The following ZFAND3 variants were observed in gnomAD, a reference collection of about 807,000 sequenced individuals.
ZFAND3 encodes the protein AN1-type zinc finger protein 3.
In ZFAND3, 10 loss-of-function variants were observed where a neutral mutation model predicts 29.6. The observed-to-expected ratio is 0.34, with a 90% CI of 0.21 to 0.57. The LOEUF is 0.57. Among genes scored for constraint, ZFAND3 ranks in the 20% least tolerant of loss-of-function variants. The pLI, the probability that ZFAND3 is intolerant of heterozygous loss-of-function variation, is 0.86. For synonymous variants in ZFAND3, 128 were observed against 112.6 expected (o/e 1.14, Z -0.87); for missense variants, 230 against 304.5 (o/e 0.76, Z 1.82).
chr6:38,045,183 G>A (rs1763877748), intron 2 of ZFAND3, among the ~76,000 whole-genome samples: 1 of 151,576 alleles, frequency 6.6e-6, no homozygotes, highest in Non-Finnish European at 1.5e-5. Context: ...CGCCTCCTGG[G>A]TTTAAGCAGT....
intron 4 of ZFAND3, among the ~76,000 whole-genome samples, chr6:38,100,930 A>T (rs1765080448): frequency 6.6e-6 from 1 of 152,226 alleles, no homozygotes; most frequent in Non-Finnish European, 1.5e-5. Context: ...TAAATCGCAG[A>T]CATGACACCC....
intron 2 of ZFAND3, among the ~76,000 whole-genome samples, chr6:38,026,203 A>G (rs1195909009): frequency 6.6e-6 from 1 of 152,060 alleles, no homozygotes; most frequent in Non-Finnish European, 1.5e-5. Flanking sequence ...TTTATACTGG[A>G]TCATTTTTAT....
intron 3 of ZFAND3, among the ~76,000 whole-genome samples, chr6:38,074,729 G>T (rs912235958): frequency 6.6e-6 from 1 of 152,214 alleles, no homozygotes; most frequent in African/African-American, 2.4e-5. Flanking sequence ...ATTGGAAGAA[G>T]ATGCCATCCA....
intron 2 of ZFAND3, among the ~76,000 whole-genome samples, chr6:38,012,114 G>A (rs1045890584): frequency 2.6e-5 from 4 of 152,152 alleles, no homozygotes; most frequent in African/African-American, 9.7e-5. Flanking sequence ...GCAGGCAGTA[G>A]TGGAATGTAG....
At chr6:37,919,582 T>A (rs572340709) in intron 1 of ZFAND3, among the ~76,000 whole-genome samples, 180 of 152,266 alleles carry the variant, frequency 1.2e-3, no homozygotes, top group African/African-American at 4.1e-3. Context: ...TTGCAGTCAC[T>A]GGAAAATTTA....
At chr6:37,830,382 GTAAT>G (rs1379759905) in intron 1 of ZFAND3, among the ~76,000 whole-genome samples, 1 of 152,238 alleles carries the variant, frequency 6.6e-6, no homozygotes, top group Non-Finnish European at 1.5e-5. Context: ...TAAGGCTAGA[GTAAT>G]TAATGTGAAA....
In ZFAND3 at chr6:38,152,814, G is replaced by A. The variant is rs1766259865; in HGVS notation, c.*425G>A. ...TGCCAGAAACTCTGTTTAATGATCG[G>A]CCTTTCACCTCTTCACTTATCCTTA... On this transcript the variant is annotated 3_prime_UTR_variant, in exon 6 of 6. Transcript: ENST00000287218. 5.1e-6 allele frequency: 5 copies of A among 987,074 alleles called. No homozygotes were observed. The highest frequency in any genetic ancestry group is 4.8e-6 in the Non-Finnish European group (4 of 830,930). 61.1% of individuals were successfully genotyped at this position (987,074 alleles called of 1,614,324 possible).
intron 2 of ZFAND3, among the ~76,000 whole-genome samples, chr6:37,991,756 G>C (rs1581819824): frequency 6.6e-6 from 1 of 152,170 alleles, no homozygotes; most frequent in African/African-American, 2.4e-5. Context: ...AGTACCCACT[G>C]TGTGTCTGTC....
intron 2 of ZFAND3, among the ~76,000 whole-genome samples, chr6:37,999,569 C>CT (rs1386614457): frequency 6.6e-6 from 1 of 152,180 alleles, no homozygotes; most frequent in Non-Finnish European, 1.5e-5. Context: ...AGAATGGCCT[C>CT]TGTGATCTTC....
At chr6:37,946,283 A>G (rs922507361) in intron 2 of ZFAND3, among the ~76,000 whole-genome samples, 9 of 152,216 alleles carry the variant, frequency 5.9e-5, no homozygotes, top group African/African-American at 2.2e-4. Flanking sequence ...CTTCTGATTT[A>G]TAAGATACTT....
chr6:38,025,276 T>C (rs1436240524), intron 2 of ZFAND3, among the ~76,000 whole-genome samples: 1 of 152,208 alleles, frequency 6.6e-6, no homozygotes, highest in Non-Finnish European at 1.5e-5. Flanking sequence ...GACAAAGGTC[T>C]TTTTTTAGTC....
At chr6:38,103,445 A>G (rs1377921078) in intron 4 of ZFAND3, among the ~76,000 whole-genome samples, 1 of 71,640 alleles carries the variant, frequency 1.4e-5, no homozygotes, top group Non-Finnish European at 2.8e-5. Context: ...ACACGTGTAT[A>G]TATATACACA....
At chr6:37,931,244 AAG>A (rs1245061764) in intron 2 of ZFAND3, among the ~76,000 whole-genome samples, 1 of 152,210 alleles carries the variant, frequency 6.6e-6, no homozygotes, top group African/African-American at 2.4e-5. Context: ...TAAATGATCT[AAG>A]AGGATAGTTA....
chr6:37,935,514 T>C (rs2127414953), intron 2 of ZFAND3, among the ~76,000 whole-genome samples: 1 of 152,344 alleles, frequency 6.6e-6, no homozygotes, highest in South Asian at 2.1e-4. Flanking sequence ...CTGGGTATTG[T>C]CACTCATTAG....
intron 2 of ZFAND3, among the ~76,000 whole-genome samples, chr6:37,970,905 AAAAC>A (rs757912841): frequency 8.0e-5 from 12 of 149,746 alleles, no homozygotes; most frequent in Admixed American, 4.7e-4. Context: ...ACTCCGTCTC[AAAAC>A]AAACAAACCA....
chr6:37,948,490 G>A (rs1281066087), intron 2 of ZFAND3, among the ~76,000 whole-genome samples: 1 of 152,048 alleles, frequency 6.6e-6, no homozygotes, highest in African/African-American at 2.4e-5. Context: ...AGACTTAGGG[G>A]GCACATGGGC....
At chr6:37,839,138 G>C (rs115976525) in intron 1 of ZFAND3, among the ~76,000 whole-genome samples, 3,114 of 151,614 alleles carry the variant, frequency 0.021, 99 homozygotes, top group African/African-American at 0.072. Context: ...TATTTTGCAT[G>C]TTTTAAAATT....
At chr6:38,048,640 TGCC>T (rs1398804170) in intron 2 of ZFAND3, among the ~76,000 whole-genome samples, 3 of 54,450 alleles carry the variant, frequency 5.5e-5, no homozygotes, top group African/African-American at 2.1e-4. Context: ...AAAAATTCAA[TGCC>T]TGTTTTATGA....
intron 2 of ZFAND3, among the ~76,000 whole-genome samples, chr6:37,972,099 C>T (rs1762398608): frequency 6.6e-6 from 1 of 152,178 alleles, no homozygotes; most frequent in Admixed American, 6.5e-5. Flanking sequence ...TCTACCACTT[C>T]CTTCCTTTGG....
Sources: allele counts gnomAD v4.1 joint callset (sites outside exome capture counted in the v4.1 genomes callset), GRCh38; gene constraint gnomAD v4.1.1; transcripts MANE v1.5; gene names NCBI Gene and HGNC (gene_info 2026-07-23, HGNC 2026-07-21).